Variants in DISC1 observed in about 807,000 individuals in gnomAD.
DISC1 encodes the protein DISC1 scaffold protein, also known as disrupted in schizophrenia 1 protein.
DISC1 carries 57 observed loss-of-function variants against 84.5 expected under a neutral mutation model. That is an observed-to-expected ratio of 0.67 (90% CI 0.55 to 0.84). The LOEUF (loss-of-function observed/expected upper bound fraction) is 0.84. Among genes scored for constraint, DISC1 ranks in the 40% least tolerant of loss-of-function variants. The pLI is 0.00. For missense variants in DISC1, 1,000 were observed against 1,057.8 expected (o/e 0.95, Z 0.76); for synonymous variants, 411 against 415.2 (o/e 0.99, Z 0.12).
intron 9 of DISC1, among the ~76,000 whole-genome samples, chr1:231,848,772 C>T (rs2083646386): frequency 6.6e-6 from 1 of 151,716 alleles, no homozygotes; most frequent in Admixed American, 6.6e-5. Flanking sequence ...TGTTAATGCC[C>T]CCTTTCTTCC....
chr1:231,643,652 C>T (rs1242307353), intron 1 of DISC1, among the ~76,000 whole-genome samples: 1 of 152,194 alleles, frequency 6.6e-6, no homozygotes, highest in Non-Finnish European at 1.5e-5. Context: ...GCTCTTGTGT[C>T]ACTTATTAAG....
At chr1:231,734,943 C>T (rs4658939) in intron 3 of DISC1, among the ~76,000 whole-genome samples, 40,322 of 152,126 alleles carry the variant, frequency 0.27, 5,902 homozygotes, top group East Asian at 0.44. Flanking sequence ...CCAAGCTTAC[C>T]CTAAGCTGTT....
chr1:231,967,273 A>G (rs887435282), intron 10 of DISC1, among the ~76,000 whole-genome samples: 1 of 152,184 alleles, frequency 6.6e-6, no homozygotes, highest in African/African-American at 2.4e-5. Flanking sequence ...TAAACTGCCA[A>G]CTGCTCTCAA....
chr1:231,938,265 A>G (rs988657724), intron 9 of DISC1, among the ~76,000 whole-genome samples: 1 of 152,166 alleles, frequency 6.6e-6, no homozygotes, highest in Non-Finnish European at 1.5e-5. Flanking sequence ...GATGGGCCCA[A>G]TCTAATCACA....
chr1:231,699,470 T>C (rs935228100), intron 2 of DISC1, among the ~76,000 whole-genome samples: 1 of 152,184 alleles, frequency 6.6e-6, no homozygotes, highest in African/African-American at 2.4e-5. Context: ...CTTGGCATCA[T>C]CCTGGTGCAT....
At chr1:231,786,455 G>C (rs11576260) in intron 6 of DISC1, among the ~76,000 whole-genome samples, 1 of 151,972 alleles carries the variant, frequency 6.6e-6, no homozygotes, top group African/African-American at 2.4e-5. Flanking sequence ...TTTGGGGCAG[G>C]TGTGTTGTTG....
intron 9 of DISC1, among the ~76,000 whole-genome samples, chr1:231,840,327 A>T (rs2082943367): frequency 6.6e-6 from 1 of 152,186 alleles, no homozygotes; most frequent in Admixed American, 6.5e-5. Flanking sequence ...TAGAAATAAA[A>T]ATTTATATCC....
intron 8 of DISC1, among the ~76,000 whole-genome samples, chr1:231,807,034 C>T (rs1450159061): frequency 6.6e-6 from 1 of 152,232 alleles, no homozygotes; most frequent in Non-Finnish European, 1.5e-5. Flanking sequence ...GAGTCCGCGT[C>T]CACCGTCTGC....
intron 9 of DISC1, among the ~76,000 whole-genome samples, chr1:231,947,977 TG>T (rs1232755861): frequency 6.6e-6 from 1 of 151,882 alleles, no homozygotes; most frequent in Non-Finnish European, 1.5e-5. Flanking sequence ...GGAGAGGGAG[TG>T]GGGAAATAGG....
chr1:231,736,913 A>G (rs1443586451), intron 3 of DISC1, among the ~76,000 whole-genome samples: 3 of 152,272 alleles, frequency 2.0e-5, no homozygotes, highest in African/African-American at 7.2e-5. Flanking sequence ...AATCGAATCT[A>G]TTTAGCAGGA....
rs1029790230 is a variant in DISC1 at position 231,698,300 on chromosome 1, T to G, written c.1047+3495T>G. On this transcript the variant is annotated intron_variant, in intron 2 of 12. Transcript: ENST00000439617. The surrounding 1 kb of genome is among the most constrained non-coding windows in gnomAD (Gnocchi z 4.9). ...ACTACAGTACTGTGAATAAGGAGAA[T>G]CGACTGTGAATATTTTATGCTGTTT... Among the ~76,000 whole-genome samples, 1 of 152,122 alleles carries G rather than the reference T, an allele frequency of 6.6e-6. No individual in the cohort carries two copies. The highest frequency in any genetic ancestry group is 2.4e-5 in the African/African-American group (1 of 41,416).
At chr1:231,779,379 A>G (rs2077202152) in intron 6 of DISC1, among the ~76,000 whole-genome samples, 1 of 152,162 alleles carries the variant, frequency 6.6e-6, no homozygotes, top group Non-Finnish European at 1.5e-5. Context: ...CCTTTTACAT[A>G]GAGGGCCTAA....
In DISC1 at chr1:231,734,548, C is replaced by T. The variant is rs977534880; in HGVS notation, c.1118-15378C>T. Among the ~76,000 whole-genome samples the T allele has an allele frequency of 2.6e-5, 4 of 152,258 alleles. No homozygotes were observed. The East Asian group carries it at 7.7e-4, about 29-fold the overall frequency. ...GCACACACACACAAGCTTGCTAGAG[C>T]TTGCCAGTCATATGACACACTCAAG... On this transcript the variant is annotated intron_variant, in intron 3 of 12. Transcript: ENST00000439617.
intron 6 of DISC1, among the ~76,000 whole-genome samples, chr1:231,775,737 G>A (rs780336356): frequency 6.6e-6 from 1 of 152,116 alleles, no homozygotes; most frequent in Admixed American, 6.6e-5. Flanking sequence ...TCATCCCTGG[G>A]ATTTCAACCC....
intron 9 of DISC1, among the ~76,000 whole-genome samples, chr1:231,918,162 C>T (rs533915733): frequency 1.3e-5 from 2 of 152,298 alleles, no homozygotes; most frequent in East Asian, 1.9e-4. Flanking sequence ...GCCGGCTCTT[C>T]GTCATTTTCC....
At chr1:231,939,157 T>C (rs2091156546) in intron 9 of DISC1, among the ~76,000 whole-genome samples, 1 of 152,198 alleles carries the variant, frequency 6.6e-6, no homozygotes, top group African/African-American at 2.4e-5. Flanking sequence ...CACATATGTG[T>C]TTTATTGTAT....
intron 1 of DISC1, among the ~76,000 whole-genome samples, chr1:231,691,598 G>T (rs2065022876): frequency 6.6e-6 from 1 of 152,222 alleles, no homozygotes; most frequent in Admixed American, 6.5e-5. Context: ...ACAAAAAATA[G>T]TTAAAAGTCT....
At chr1:231,669,109 A>C (rs1016611268) in intron 1 of DISC1, among the ~76,000 whole-genome samples, 1 of 152,194 alleles carries the variant, frequency 6.6e-6, no homozygotes, top group East Asian at 1.9e-4. Flanking sequence ...CAGTTCCTCA[A>C]GTTGGTTGAG....
intron 4 of DISC1, among the ~76,000 whole-genome samples, chr1:231,763,319 G>A (rs1030504848): frequency 6.6e-6 from 1 of 152,208 alleles, no homozygotes; most frequent in Non-Finnish European, 1.5e-5. Flanking sequence ...AATGAGAAGC[G>A]AATGTGATCA....
Sources: allele counts gnomAD v4.1 joint callset (sites outside exome capture counted in the v4.1 genomes callset), GRCh38; gene constraint gnomAD v4.1.1; non-coding constraint Gnocchi (gnomAD v3.1); transcripts MANE v1.5; gene names NCBI Gene and HGNC (gene_info 2026-07-23, HGNC 2026-07-21).